EPYC: variants seen among roughly 807,000 people sequenced by gnomAD.
EPYC encodes dermatan sulfate proteoglycan 3.
EPYC carries 28 observed loss-of-function variants against 30.1 expected under a neutral mutation model. The ratio of observed to expected loss-of-function variants is 0.93; its 90% CI spans 0.69 to 1.28. EPYC has a LOEUF of 1.28. Among genes scored for constraint, EPYC ranks in the 50% most tolerant of loss-of-function variants. The probability of loss-of-function intolerance (pLI) is 0.00; values close to 1 mark genes in which losing one functional copy is unlikely to be tolerated. For missense variants in EPYC, 382 were observed against 383.5 expected, an observed-to-expected ratio of 1.00 and a Z score of 0.03; for synonymous variants, 144 against 141.4, an observed-to-expected ratio of 1.02 and a Z score of -0.13.
chr12:90,970,078 G>C lies in EPYC; in HGVS notation c.764C>G (p.Pro255Arg). ...AAGGGCTCGTAGATTTTCTGGGAGT[G>C]GCAGAGGGATGTGGTCCAAGTTGTT... ...TDNNLDHIPL[P>R]LPENLRALHL... Residue 255 changes from proline to arginine, a missense_variant, in exon 6 of 7, where the codon CCA (proline) becomes CGA (arginine). Transcript: ENST00000261172. 6.2e-7 allele frequency: 1 copy of C among 1,613,966 alleles called. No homozygotes were observed. The highest frequency in any genetic ancestry group is 8.5e-7 in the Non-Finnish European group (1 of 1,179,860).
At chr12:90,976,073 G>T (rs1307139453) in intron 3 of EPYC, among the ~76,000 whole-genome samples, 1 of 152,022 alleles carries the variant, frequency 6.6e-6, no homozygotes, top group African/African-American at 2.4e-5. Flanking sequence ...CAAGTGTCTG[G>T]CATATAGAAG....
intron 5 of EPYC, 87 bp downstream of exon 5, chr12:90,971,713 T>TA (rs1565870775): frequency 3.9e-5 from 12 of 311,480 alleles, no homozygotes; most frequent in African/African-American, 3.1e-4. Context: ...TAAATAAATT[T>TA]ATTTTCCCTA....
intron 3 of EPYC, among the ~76,000 whole-genome samples, chr12:90,977,701 A>G (rs1250996829): frequency 2.0e-5 from 3 of 152,092 alleles, no homozygotes; most frequent in African/African-American, 7.2e-5. Context: ...AGTGCAAAAT[A>G]TTATTACTAT....
At chr12:90,998,022 A>C (rs1333431134) in intron 2 of EPYC, among the ~76,000 whole-genome samples, 1 of 152,048 alleles carries the variant, frequency 6.6e-6, no homozygotes, top group Admixed American at 6.6e-5. Context: ...TATGATATAT[A>C]ATTACTAACT....
rs558785800 is a variant in EPYC, at chr12:90,985,389, AG to A, written c.166-7128del. Among the ~76,000 whole-genome samples, 782 of 152,280 alleles carry A rather than the reference AG, an allele frequency of 5.1e-3. 6 individuals carry two copies. The highest frequency in any genetic ancestry group is 0.018 in the African/African-American group (736 of 41,580). ...TGAAAGATAAGTTTATTACCCAATC[AG>A]CCACAGATATGAGGAGAAAGCTCCA... is the stretch of plus-strand genomic sequence containing the variant. On this transcript the variant is annotated intron_variant, in intron 2 of 6. Transcript: ENST00000261172.
At chr12:90,968,848 A>G (rs1226950994) in intron 6 of EPYC, among the ~76,000 whole-genome samples, 1 of 152,010 alleles carries the variant, frequency 6.6e-6, no homozygotes, top group Non-Finnish European at 1.5e-5. Flanking sequence ...ACAAGGAAAG[A>G]CATCTTTATA....
chr12:90,988,098 G>T (rs1266940848), intron 2 of EPYC, among the ~76,000 whole-genome samples: 3 of 152,030 alleles, frequency 2.0e-5, no homozygotes, highest in African/African-American at 7.2e-5. Context: ...ATATTTATGA[G>T]GATACCATTG....
At chr12:90,989,769 A>G (rs1877540210) in intron 2 of EPYC, among the ~76,000 whole-genome samples, 1 of 151,996 alleles carries the variant, frequency 6.6e-6, no homozygotes, top group African/African-American at 2.4e-5. Context: ...TTCCATTTTT[A>G]GTCACCAGAA....
intron 2 of EPYC, among the ~76,000 whole-genome samples, chr12:90,994,825 T>C (rs1877661546): frequency 1.3e-5 from 2 of 152,126 alleles, no homozygotes; most frequent in African/African-American, 4.8e-5. Flanking sequence ...TCCAGAATAT[T>C]TGGACTTTTA....
intron 5 of EPYC, among the ~76,000 whole-genome samples, 167 bp from the exon 6 acceptor site, chr12:90,970,306 G>C (rs1877008851): frequency 6.6e-6 from 1 of 152,162 alleles, no homozygotes; most frequent in Non-Finnish European, 1.5e-5. Context: ...AGTTTTCTGA[G>C]TTACTAGACA....
chr12:91,001,941 C>T (rs1490295657), intron 2 of EPYC, among the ~76,000 whole-genome samples: 1 of 151,866 alleles, frequency 6.6e-6, no homozygotes, highest in Non-Finnish European at 1.5e-5. Context: ...GTAATCCCAG[C>T]ATTTGGGAAG....
At chr12:90,976,660 T>C (rs924545916) in intron 3 of EPYC, among the ~76,000 whole-genome samples, 2 of 152,154 alleles carry the variant, frequency 1.3e-5, no homozygotes, top group Non-Finnish European at 2.9e-5. Flanking sequence ...TGGACAGACT[T>C]TTCTCATAAG....
At chr12:90,965,856 CT>C (rs1168060379) in intron 6 of EPYC, among the ~76,000 whole-genome samples, 1 of 151,830 alleles carries the variant, frequency 6.6e-6, no homozygotes, top group Non-Finnish European at 1.5e-5. Context: ...TGTTAAATTT[CT>C]TTTAGATACC....
At chr12:90,988,495 A>G (rs76516396) in intron 2 of EPYC, among the ~76,000 whole-genome samples, 3,838 of 152,208 alleles carry the variant, frequency 0.025, 162 homozygotes, top group African/African-American at 0.087. Context: ...ATGGAGAAGA[A>G]AGGTTTCATT....
chr12:90,986,425 C>A (rs1220022913), intron 2 of EPYC, among the ~76,000 whole-genome samples: 2 of 152,118 alleles, frequency 1.3e-5, no homozygotes, highest in African/African-American at 4.8e-5. Context: ...AGTGCAAAAT[C>A]TTAGACTCAT....
At chr12:90,966,485 C>T (rs1352840945) in intron 6 of EPYC, among the ~76,000 whole-genome samples, 5 of 151,780 alleles carry the variant, frequency 3.3e-5, no homozygotes, top group African/African-American at 1.2e-4. Flanking sequence ...TCTGCAATCC[C>T]ATTTGGTCGT....
chr12:90,968,965 A>G (rs1876966695), intron 6 of EPYC, among the ~76,000 whole-genome samples: 1 of 151,638 alleles, frequency 6.6e-6, no homozygotes, highest in African/African-American at 2.4e-5. Context: ...AGACAAACCT[A>G]CAAAAGAGAC....
chr12:90,999,046 G>T (rs144037053), intron 2 of EPYC, among the ~76,000 whole-genome samples: 1 of 152,138 alleles, frequency 6.6e-6, no homozygotes, highest in African/African-American at 2.4e-5. Context: ...TCTCTGTCAT[G>T]CTTCAAATTT....
At chr12:91,003,117 A>G (rs1222828932) in intron 1 of EPYC, among the ~76,000 whole-genome samples, 1 of 152,142 alleles carries the variant, frequency 6.6e-6, no homozygotes, top group African/African-American at 2.4e-5. Context: ...AATTTTAAAA[A>G]TAGGACTCAT....
Sources: gnomAD v4.1 joint callset for allele counts (sites outside exome capture counted in the v4.1 genomes callset) on GRCh38, gnomAD v4.1.1 for gene constraint, MANE v1.5 for transcripts, NCBI Gene and HGNC (gene_info 2026-07-23, HGNC 2026-07-21) for gene names.